PCGF5: variants seen among roughly 807,000 people sequenced by gnomAD.
PCGF5 encodes polycomb group ring finger 5, also known as polycomb group RING finger protein 5.
In PCGF5, 9 loss-of-function variants were observed where a neutral mutation model predicts 44.3. That is an observed-to-expected ratio of 0.20 (90% CI 0.12 to 0.35). The LOEUF (loss-of-function observed/expected upper bound fraction) is 0.35, where lower values mean the gene tolerates loss of function less well. Ranked by LOEUF, PCGF5 falls within the 10% of genes least tolerant of loss-of-function variation. The pLI is 1.00. For missense variants in PCGF5, 146 were observed against 305.3 expected (o/e 0.48, Z 3.89); for synonymous variants, 95 against 102.5 (o/e 0.93, Z 0.44).
chr10:91,228,157 T>A (rs762892737), intron 2 of PCGF5, among the ~76,000 whole-genome samples: 73 of 152,150 alleles, frequency 4.8e-4, no homozygotes, highest in Non-Finnish European at 1.0e-3. Flanking sequence ...TAAGGGATGT[T>A]CTGTCTCTTT....
intron 1 of PCGF5, among the ~76,000 whole-genome samples, chr10:91,202,497 T>A (rs985779600): frequency 2.0e-5 from 3 of 152,214 alleles, no homozygotes; most frequent in Non-Finnish European, 2.9e-5. Context: ...ATAGGATAAA[T>A]TTGTAAGCTC....
At chr10:91,171,785 A>G (rs1290151249) in intron 1 of PCGF5, among the ~76,000 whole-genome samples, 1 of 152,194 alleles carries the variant, frequency 6.6e-6, no homozygotes, top group African/African-American at 2.4e-5. Flanking sequence ...AGTAATGACA[A>G]AAATTCAAAG....
At chr10:91,265,171 T>C (rs1272491836) in intron 8 of PCGF5, among the ~76,000 whole-genome samples, 5 of 152,182 alleles carry the variant, frequency 3.3e-5, no homozygotes, top group Non-Finnish European at 7.4e-5. Context: ...AGGACTAATA[T>C]ATAAGACTGA....
intron 1 of PCGF5, among the ~76,000 whole-genome samples, chr10:91,167,505 G>C (rs528383155): frequency 6.6e-6 from 1 of 152,322 alleles, no homozygotes; most frequent in African/African-American, 2.4e-5. Context: ...ACTTCAATCG[G>C]CAAAAATGTA....
intron 1 of PCGF5, among the ~76,000 whole-genome samples, chr10:91,186,755 G>A (rs7906291): frequency 0.28 from 41,782 of 151,928 alleles, 6,538 homozygotes; most frequent in East Asian, 0.49. Flanking sequence ...GCCCTGCTCC[G>A]TATATTGATA....
At chr10:91,227,647 C>T in intron 2 of PCGF5, 1 of 1,125,540 alleles carries the variant, frequency 8.9e-7, no homozygotes, top group Non-Finnish European at 1.1e-6. Flanking sequence ...AAACAGCTTA[C>T]TGTCTTTATC....
intron 2 of PCGF5, among the ~76,000 whole-genome samples, chr10:91,234,531 A>C (rs1028592036): frequency 8.5e-5 from 13 of 152,210 alleles, no homozygotes; most frequent in Non-Finnish European, 1.8e-4. Context: ...GCAGGGAATT[A>C]ATACCAGTGA....
intron 2 of PCGF5, among the ~76,000 whole-genome samples, chr10:91,238,569 C>T (rs1845230972): frequency 7.0e-6 from 1 of 143,240 alleles, no homozygotes; most frequent in Non-Finnish European, 1.5e-5. Flanking sequence ...CTTTTAAAAT[C>T]CCTCCACTCT....
At chr10:91,204,911 C>T (rs1844317122) in intron 1 of PCGF5, among the ~76,000 whole-genome samples, 1 of 152,114 alleles carries the variant, frequency 6.6e-6, no homozygotes, top group African/African-American at 2.4e-5. Context: ...TAACTTCTTT[C>T]TCATAAAATA....
intron 6 of PCGF5, among the ~76,000 whole-genome samples, chr10:91,253,372 T>C (rs1329668213): frequency 6.6e-6 from 1 of 151,926 alleles, no homozygotes; most frequent in Non-Finnish European, 1.5e-5. Context: ...TCTGTTGTTC[T>C]CTTCTTTATG....
At chr10:91,241,669 T>TAA (rs77659464) in intron 3 of PCGF5, among the ~76,000 whole-genome samples, 2 of 139,400 alleles carry the variant, frequency 1.4e-5, no homozygotes, top group Non-Finnish European at 3.1e-5. Context: ...CTTTTGAACT[T>TAA]AAAAAAAAAA....
chr10:91,254,203 C>CGTGTGTGTGTGT lies in PCGF5; in HGVS notation c.474+2780_474+2791dup, dbSNP rs148669111. Among the ~76,000 whole-genome samples the CGTGTGTGTGTGT allele has an allele frequency of 8.1e-4, 120 of 148,044 alleles. 2 individuals carry two copies. The highest frequency in any genetic ancestry group is 2.4e-3 in the South Asian group (11 of 4,622). On this transcript the variant is annotated intron_variant, in intron 6 of 9. Coordinates refer to ENST00000336126, the MANE Select transcript of PCGF5 (RefSeq NM_032373.5). ...TCTCTCTGTCTCTTCCCCTCCACCT[C>CGTGTGTGTGTGT]GTGTGTGTGTGTGTGTGTGTGTGTG... is the stretch of plus-strand genomic sequence containing the variant.
chr10:91,214,104 C>A (rs1844499795), intron 1 of PCGF5, among the ~76,000 whole-genome samples: 2 of 152,092 alleles, frequency 1.3e-5, no homozygotes, highest in East Asian at 3.9e-4. Context: ...AAGTTCAAGA[C>A]CAGCCTGGGA....
rs923701852 is a variant in PCGF5, at chr10:91,284,072, A to G, written c.*5756A>G. ...TTTGCAGAAATAAAATGCTGCTTAG[A>G]GATTCTCCTTAAATATTTTTTATTT... On this transcript the variant is annotated 3_prime_UTR_variant, in exon 10 of 10. Coordinates refer to ENST00000336126, the MANE Select transcript of PCGF5 (RefSeq NM_032373.5). The G allele has an allele frequency of 1.3e-5, 2 of 152,570 alleles. No individual in the cohort carries two copies. The highest frequency in any genetic ancestry group is 4.8e-5 in the African/African-American group (2 of 41,408). The allele number at this position is 152,570 out of a possible 1,614,324, so 9.5% of individuals were successfully genotyped here.
intron 2 of PCGF5, among the ~76,000 whole-genome samples, chr10:91,225,634 A>G (rs1332907655): frequency 6.6e-6 from 1 of 151,962 alleles, no homozygotes; most frequent in Non-Finnish European, 1.5e-5. Flanking sequence ...GTTTGTTTGT[A>G]TTTATATTGA....
chr10:91,166,884 G>T (rs1286718892), intron 1 of PCGF5, among the ~76,000 whole-genome samples: 1 of 152,170 alleles, frequency 6.6e-6, no homozygotes, highest in African/African-American at 2.4e-5. Flanking sequence ...TTAATAAATG[G>T]TAACTGCTAT....
chr10:91,219,993 GGC>G (rs1844623931), upstream of PCGF5, among the ~76,000 whole-genome samples: 1 of 152,066 alleles, frequency 6.6e-6, no homozygotes, highest in Non-Finnish European at 1.5e-5. Context: ...TCACTGCTCT[GGC>G]TTCTAGAATA....
intron 8 of PCGF5, among the ~76,000 whole-genome samples, chr10:91,266,197 G>A (rs192568813): frequency 2.0e-5 from 3 of 152,224 alleles, no homozygotes; most frequent in Admixed American, 2.0e-4. Context: ...AGTTTAGCGG[G>A]CATTGCAGTG....
intron 8 of PCGF5, 65 bp from the exon 9 acceptor site, chr10:91,271,573 A>G: frequency 7.8e-7 from 1 of 1,279,976 alleles, no homozygotes; most frequent in South Asian, 1.2e-5. Context: ...TATTTTAAAT[A>G]ATCAATTTTA....
Sources: gnomAD v4.1 joint callset for allele counts (sites outside exome capture counted in the v4.1 genomes callset) on GRCh38, gnomAD v4.1.1 for gene constraint, MANE v1.5 for transcripts, NCBI Gene and HGNC (gene_info 2026-07-23, HGNC 2026-07-21) for gene names.